The following LAMA5 variants were observed in gnomAD, a reference collection of about 807,000 sequenced individuals.
The protein encoded by LAMA5 is laminin subunit alpha 5.
In LAMA5, 260 loss-of-function variants were observed where a neutral mutation model predicts 433.4. The observed-to-expected ratio is 0.60, with a 90% CI of 0.54 to 0.66. The LOEUF is 0.66. Ranked by LOEUF, LAMA5 falls within the 30% of genes least tolerant of loss-of-function variation. The pLI is 0.00. For synonymous variants in LAMA5, 2,620 were observed against 2,226.6 expected (o/e 1.18, Z -4.97); for missense variants, 5,378 against 5,258.5 (o/e 1.02, Z -0.70).
intron 11 of LAMA5, among the ~76,000 whole-genome samples, chr20:62,341,139 C>G (rs1253036153): frequency 6.6e-6 from 1 of 151,796 alleles, no homozygotes; most frequent in Non-Finnish European, 1.5e-5. Flanking sequence ...TCTCAAATTC[C>G]AAAGACAAAA....
At chr20:62,320,517 G>A (rs780676253) in intron 50 of LAMA5, 42 bp downstream of exon 50, 25 of 1,473,220 alleles carry the variant, frequency 1.7e-5, no homozygotes, top group South Asian at 8.4e-5. Flanking sequence ...GGGAACACAG[G>A]TGAAAGCCTC....
rs765431295 is a variant in LAMA5 at position 62,329,901 on chromosome 20, C to A, written c.3995G>T (p.Ser1332Ile). 1.1e-5 allele frequency: 18 copies of A among 1,611,630 alleles called. 1 individual carries two copies. The highest frequency in any genetic ancestry group is 2.5e-6 in the Non-Finnish European group (3 of 1,179,746). ...GRVWQGHANA[S>I]FCPHGYGCRT... ...GCAGCCGTAGCCATGTGGACAGAAGCTGGCGTTGGCGTGGCCTGGGCGGGG... is the reference window on the plus strand; with the variant it reads ...GCAGCCGTAGCCATGTGGACAGAAGATGGCGTTGGCGTGGCCTGGGCGGGG... Residue 1332 changes from serine to isoleucine, a missense_variant, in exon 32 of 80, where the codon AGC (serine) becomes ATC (isoleucine). Coordinates refer to ENST00000252999, the MANE Select transcript of LAMA5 (RefSeq NM_005560.6).
intron 30 of LAMA5, 48 bp from the exon 31 acceptor site, chr20:62,330,662 G>A (rs754368056): frequency 1.3e-5 from 20 of 1,562,710 alleles, no homozygotes; most frequent in South Asian, 9.4e-5. Context: ...AGCCCCTGCT[G>A]CCCCCTGGAC....
At chr20:62,328,097 C>T in intron 35 of LAMA5, 87 bp from the exon 36 acceptor site, 2 of 1,566,396 alleles carry the variant, frequency 1.3e-6, no homozygotes, top group Non-Finnish European at 1.7e-6. Context: ...ACCCAGGCAG[C>T]ATCCTCCCAG....
rs1355086744 is a variant in LAMA5, at chr20:62,335,035, TAGTC to T, written c.2464_2467del (p.Asp822IlefsTer98). On this transcript the variant is annotated frameshift_variant, in exon 20 of 80. Coordinates refer to ENST00000252999, the MANE Select transcript of LAMA5 (RefSeq NM_005560.6). LOFTEE classifies it high-confidence loss of function. Reference sequence around the variant, plus strand: ...TGGGCACTCACTGCGGCAGCCAAAATAGTCAGCCTGATCCAGTCCAAAGAAGCCA... The same window carrying T: ...TGGGCACTCACTGCGGCAGCCAAAATAGCCTGATCCAGTCCAAAGAAGCCA... 12 of 1,612,702 alleles carry T rather than the reference TAGTC, an allele frequency of 7.4e-6. No homozygotes were observed. Among genetic ancestry groups the T allele is most frequent in the East Asian group, 4.5e-5 (2 of 44,854 alleles).
intron 34 of LAMA5, among the ~76,000 whole-genome samples, 160 bp downstream of exon 34, chr20:62,328,684 C>G (rs1006759628): frequency 6.6e-6 from 1 of 152,216 alleles, no homozygotes. Context: ...CTGCATGGCC[C>G]GCAAGCTGGA....
In LAMA5 at chr20:62,312,963, C is replaced by T. The variant is rs1036988579; in HGVS notation, c.9003G>A (p.Leu3001=). The change falls in exon 66 of 80, where the codon TTG becomes TTA. Residue 3001 remains leucine, a synonymous_variant. Transcript: ENST00000252999. ...TTTTCAGGCCAGCCCCAAAGTCATACAACAGCACGAGGCTGCCTTCTTGCA... is the reference window on the plus strand; with the variant it reads ...TTTTCAGGCCAGCCCCAAAGTCATATAACAGCACGAGGCTGCCTTCTTGCA... ...LAVQEGSLVL[L]YDFGAGLKKA... is the part of the protein sequence containing the mutation. 1.3e-6 allele frequency: 2 copies of T among 1,583,614 alleles called. No homozygotes were observed. The highest frequency in any genetic ancestry group is 2.7e-5 in the African/African-American group (2 of 74,472).
intron 40 of LAMA5, among the ~76,000 whole-genome samples, chr20:62,325,782 G>C (rs926697353): frequency 1.1e-4 from 16 of 152,160 alleles, no homozygotes; most frequent in African/African-American, 3.9e-4. Flanking sequence ...TACACAAAGA[G>C]AACAGCCAAG....
Position 62,311,077 on chromosome 20 carries a change from T to C in LAMA5, c.10106A>G (p.His3369Arg), listed in dbSNP as rs968548656. ...GCCTCGGGAGCTTCGCGGGAGGACG[T>C]GCATGGAGAGACTGGGCCTGGAAGC... ...RHRNWPSLSM[H>R]VLPRSSRGLL... The change falls in exon 74 of 80, where the codon CAC becomes CGC. Residue 3369 changes from histidine to arginine, a missense_variant. His to Arg is a conservative substitution (Grantham distance 29). Transcript: ENST00000252999. 5 of 1,584,376 alleles carry C rather than the reference T, an allele frequency of 3.2e-6. No individual in the cohort carries two copies. Among genetic ancestry groups the C allele is most frequent in the Non-Finnish European group, 4.3e-6 (5 of 1,164,440 alleles).
At position 62,313,733 on chromosome 20, in the gene LAMA5, C is replaced by G; in HGVS notation, c.8574G>C (p.Thr2858=). ...RQMIQETKGD[T]VAPGAEGLLN... ...GCAGCCCCTCTGCCCCAGGGGCCAC[C>G]GTGTCACCCTTGGTTTCCTGGATCA... is the stretch of plus-strand genomic sequence containing the variant. Residue 2858 remains threonine, a synonymous_variant, in exon 63 of 80, where the codon ACG becomes ACC. Coordinates refer to ENST00000252999, the MANE Select transcript of LAMA5 (RefSeq NM_005560.6). The G allele has an allele frequency of 1.2e-6, 2 of 1,612,928 alleles. No individual in the cohort carries two copies. The highest frequency in any genetic ancestry group is 1.7e-6 in the Non-Finnish European group (2 of 1,179,968).
At chr20:62,315,280 T>C in intron 58 of LAMA5, 73 bp from the exon 59 acceptor site, 2 of 1,352,404 alleles carry the variant, frequency 1.5e-6, no homozygotes, top group East Asian at 2.4e-5. Context: ...CAAGTCTTTC[T>C]GTTGGGCCAG....
Position 62,333,389 on chromosome 20 carries a change from C to T in LAMA5, c.3114G>A (p.Gln1038=), listed in dbSNP as rs765715375. The stretch of plus-strand genomic sequence containing the variant: ...ATGGCCCTCACTTGTCGCCAGACTG[C>T]TGGGCAGAGGGACGGTATGTGCAGG... ...TEACTYRPSA[Q]QSGDNCLLYT... Residue 1038 remains glutamine, a synonymous_variant, in exon 25 of 80, where the codon CAG becomes CAA. Coordinates refer to ENST00000252999, the MANE Select transcript of LAMA5 (RefSeq NM_005560.6). The T allele has an allele frequency of 1.9e-5, 30 of 1,612,692 alleles. 1 individual carries two copies. In the Middle Eastern group the frequency reaches 6.6e-4, roughly 35 times the overall value.
At chr20:62,342,294 C>A in intron 11 of LAMA5, 1 of 373,750 alleles carries the variant, frequency 2.7e-6, no homozygotes, top group African/African-American at 2.3e-5. Flanking sequence ...CAGAGTGAAA[C>A]TCCATCTCAA....
chr20:62,309,226 G>A lies in LAMA5; in HGVS notation c.*110C>T, dbSNP rs11557150. ...TAACTTAAACCATCTTCAGAAACAAGATCTGTCACCCGTAGAGCTTAGAGT... is the reference window on the plus strand; with the variant it reads ...TAACTTAAACCATCTTCAGAAACAAAATCTGTCACCCGTAGAGCTTAGAGT... On this transcript the variant is annotated 3_prime_UTR_variant, in exon 80 of 80. Coordinates refer to ENST00000252999, the MANE Select transcript of LAMA5 (RefSeq NM_005560.6). The A allele has an allele frequency of 0.015, 15,930 of 1,064,390 alleles. 173 individuals carry two copies. Among genetic ancestry groups the A allele is most frequent in the South Asian group, 0.029 (1,695 of 59,030 alleles). 65.9% of individuals were successfully genotyped at this position (1,064,390 alleles called of 1,614,324 possible). A position where few individuals can be genotyped will look rare whatever the true frequency, so the allele number is the denominator to read the frequency against.
chr20:62,328,234 C>T lies in LAMA5; in HGVS notation c.4652+7G>A, dbSNP rs181124267. On this transcript the variant is annotated splice_region_variant and intron_variant, in intron 35 of 79. Transcript: ENST00000252999. ...GGGGCCGCGCTGACGCCGCTCTGGGCTCTCACTTGCACTGGCCGCTGTCTG... is the reference window on the plus strand; with the variant it reads ...GGGGCCGCGCTGACGCCGCTCTGGGTTCTCACTTGCACTGGCCGCTGTCTG... 2.8e-5 allele frequency: 44 copies of T among 1,596,336 alleles called. No homozygotes were observed. In the African/African-American group the frequency reaches 4.9e-4, roughly 18 times the overall value.
At chr20:62,354,308 G>T (rs1476401581) in intron 2 of LAMA5, among the ~76,000 whole-genome samples, 1 of 151,390 alleles carries the variant, frequency 6.6e-6, no homozygotes, top group East Asian at 2.0e-4. Flanking sequence ...CTCCCCTCAG[G>T]CCTCTGATCA....
intron 45 of LAMA5, among the ~76,000 whole-genome samples, chr20:62,323,069 T>C (rs1202137763): frequency 1.1e-5 from 1 of 88,004 alleles, no homozygotes; most frequent in Non-Finnish European, 2.1e-5. Context: ...GGGGATGTGA[T>C]CGTGAGGTGG....
intron 6 of LAMA5, among the ~76,000 whole-genome samples, chr20:62,347,725 C>T (rs375275962): frequency 8.3e-4 from 126 of 152,306 alleles, no homozygotes; most frequent in African/African-American, 2.9e-3. Context: ...CAGACCACAG[C>T]GGGAGTCCCT....
In LAMA5 at chr20:62,337,893, G is replaced by C; in HGVS notation, c.1937C>G (p.Ala646Gly). The C allele has an allele frequency of 6.2e-7, 1 of 1,612,046 alleles. No homozygotes were observed. Among genetic ancestry groups the C allele is most frequent in the South Asian group, 1.1e-5 (1 of 91,026 alleles). Residue 646 changes from alanine (A) to glycine (G), a missense_variant, in exon 15 of 80, where the codon GCG becomes GGG. Ala to Gly is a moderately conservative substitution (Grantham distance 60). Transcript: ENST00000252999. ...PRGALDQLCGAGGLCRCRPGY... is the reference protein window; with the variant it reads ...PRGALDQLCGGGGLCRCRPGY... The stretch of plus-strand genomic sequence containing the variant: ...GGGGCGGCAGCGGCACAAACCTCCC[G>C]CCCCACAGAGCTGGTCCAGGGCTCC...
Sources: gnomAD v4.1 joint callset for allele counts (sites outside exome capture counted in the v4.1 genomes callset) on GRCh38, gnomAD v4.1.1 for gene constraint, MANE v1.5 for transcripts, NCBI Gene and HGNC (gene_info 2026-07-23, HGNC 2026-07-21) for gene names.